The following SPDEF variants were observed in gnomAD, a reference collection of about 807,000 sequenced individuals.
SPDEF encodes SAM pointed domain containing ETS transcription factor, also known as SAM pointed domain-containing Ets transcription factor.
In SPDEF, 12 loss-of-function variants were observed where a neutral mutation model predicts 36.0. The observed-to-expected ratio is 0.33, with a 90% confidence interval of 0.21 to 0.54. The LOEUF (loss-of-function observed/expected upper bound fraction) is 0.54, where lower values mean the gene tolerates loss of function less well. Ranked by LOEUF, SPDEF falls within the 20% of genes least tolerant of loss-of-function variation. The pLI is 0.93. For missense variants in SPDEF, 388 were observed against 456.9 expected, an observed-to-expected ratio of 0.85 and a Z score of 1.37; for synonymous variants, 205 against 193.0, an observed-to-expected ratio of 1.06 and a Z score of -0.51.
rs200407168 is a variant in SPDEF, at chr6:34,540,939, G to A, written c.634+45C>T. 1.6e-3 allele frequency: 2,546 copies of A among 1,576,412 alleles called. 6 individuals carry two copies. The highest frequency in any genetic ancestry group is 1.3e-3 in the Non-Finnish European group (1,500 of 1,156,302). ...CCTCCTAGCCAGCATCCTGTCCCTG[G>A]CTTGGAGCCTGGGAGGGGCTGCTCC... is the stretch of plus-strand genomic sequence containing the variant. On this transcript the variant is annotated intron_variant, in intron 3 of 5. Transcript: ENST00000374037.
At chr6:34,542,885 T>TC (rs1317257352) in intron 2 of SPDEF, among the ~76,000 whole-genome samples, 3 of 80,412 alleles carry the variant, frequency 3.7e-5, no homozygotes, top group African/African-American at 2.2e-4. Flanking sequence ...CGAGACCCTG[T>TC]CAAAAAAAAA....
intron 2 of SPDEF, among the ~76,000 whole-genome samples, chr6:34,543,195 CAAAAAAAAAAAAAA>C (rs56021909): frequency 1.4e-5 from 1 of 69,140 alleles, no homozygotes; most frequent in Non-Finnish European, 2.4e-5. Context: ...GACTCCATCT[CAAAAAAAAAAAAAA>C]AAAAAAAAAA....
intron 1 of SPDEF, among the ~76,000 whole-genome samples, chr6:34,546,979 TC>T (rs938327350): frequency 6.7e-6 from 1 of 149,076 alleles, no homozygotes; most frequent in African/African-American, 2.5e-5. Flanking sequence ...GCTAGGTGGC[TC>T]CACCCCTGGG....
chr6:34,538,014 T>A lies in SPDEF; in HGVS notation c.*260A>T, dbSNP rs1036207447. The A allele has an allele frequency of 3.9e-5, 17 of 438,360 alleles. No individual in the cohort carries two copies. The highest frequency in any genetic ancestry group is 2.9e-4 in the African/African-American group (15 of 51,338). The allele number at this position is 438,360 out of a possible 1,614,324, so 27.2% of individuals were successfully genotyped here. On this transcript the variant is annotated 3_prime_UTR_variant, in exon 6 of 6. Transcript: ENST00000374037. This position sits in a 1 kb window ranked among gnomAD's most constrained non-coding sequence, Gnocchi z 5.9. The stretch of plus-strand genomic sequence containing the variant: ...GAAATGCTGGGGTCAGAGGCAGGTG[T>A]TGGGGAGCAGCCCTGTCTCCCTCTG...
rs772377132 is a variant in SPDEF at position 34,539,302 on chromosome 6, T to G, written c.777A>C (p.Leu259=). The G allele has an allele frequency of 6.8e-5, 110 of 1,613,830 alleles. No individual in the cohort carries two copies. Among genetic ancestry groups the G allele is most frequent in the Non-Finnish European group, 8.5e-5 (100 of 1,180,044 alleles). ...AGCGGCCATAGCTGTGGGGCTTGAG[T>G]AGCAACTCCTTGAGGAACTGCCACA... ...IHLWQFLKEL[L]LKPHSYGRFI... Residue 259 remains leucine, a synonymous_variant, in exon 5 of 6, where the codon CTA becomes CTC. Coordinates refer to ENST00000374037, the MANE Select transcript of SPDEF (RefSeq NM_012391.3). The surrounding 1 kb of genome is among the most constrained non-coding windows in gnomAD (Gnocchi z 5.2).
rs1241282202 is a variant in SPDEF at position 34,538,496 on chromosome 6, T to G, written c.830-44A>C. The G allele has an allele frequency of 2.6e-6, 4 of 1,562,510 alleles. No homozygotes were observed. The South Asian group carries it at 4.7e-5, about 18-fold the overall frequency. ...GAGAGAGCCAGTGGTATGAGTGAGG[T>G]GGCAAGAAGGAGAAAGACGCAGACC... On this transcript the variant is annotated intron_variant, in intron 5 of 5. Transcript: ENST00000374037. This position sits in a 1 kb window ranked among gnomAD's most constrained non-coding sequence, Gnocchi z 5.9.
In SPDEF at chr6:34,539,533, C is replaced by T. The variant is rs776623142; in HGVS notation, c.664G>A (p.Gly222Arg). 127 of 1,574,692 alleles carry T rather than the reference C, an allele frequency of 8.1e-5. No homozygotes were observed. Among genetic ancestry groups the T allele is most frequent in the Non-Finnish European group, 1.0e-4 (117 of 1,160,872 alleles). The change falls in exon 4 of 6, where the codon GGG becomes AGG. Residue 222 changes from glycine to arginine, a missense_variant. Gly to Arg is a moderately radical substitution (Grantham distance 125). Coordinates refer to ENST00000374037, the MANE Select transcript of SPDEF (RefSeq NM_012391.3). The surrounding 1 kb of genome is among the most constrained non-coding windows in gnomAD (Gnocchi z 5.2). ...GGCTCACCACAGTAGTGAATCGCCC[C>T]AGGTGAAGTCCGCTCTTTCATCCAG... ...AAWMKERTSPGAIHYCASTSE... is the reference protein window; with the variant it reads ...AAWMKERTSPRAIHYCASTSE...
At position 34,540,548 on chromosome 6, in the gene SPDEF, G is replaced by A. The variant is rs140712383; in HGVS notation, c.634+436C>T. On this transcript the variant is annotated intron_variant, in intron 3 of 5. Transcript: ENST00000374037. ...GGATTGGAAGCTGGGGGTCGGGAGC[G>A]GGAGGGGGAAACTGTTCATGGTACA... Among the ~76,000 whole-genome samples the A allele has an allele frequency of 3.0e-4, 46 of 152,030 alleles. No individual in the cohort carries two copies. The East Asian group carries it at 7.7e-3, about 26-fold the overall frequency.
At position 34,544,335 on chromosome 6, in the gene SPDEF, G is replaced by A. The variant is rs369097952; in HGVS notation, c.121C>T (p.Arg41Trp). 16 of 1,607,422 alleles carry A rather than the reference G, an allele frequency of 1.0e-5. No homozygotes were observed. The highest frequency in any genetic ancestry group is 6.7e-5 in the East Asian group (3 of 44,846). ...GCGGGTGGACTGGGACTCCAGTCCC[G>A]TCTCTCGAGACCCACTGCCCCCGCT... ...AAAGAVGLERRDWSPSPPATP... is the reference protein window; with the variant it reads ...AAAGAVGLERWDWSPSPPATP... Residue 41 changes from arginine (R) to tryptophan (W), a missense_variant, in exon 2 of 6, where the codon CGG becomes TGG. This residue lies in a region of SPDEF where 308 missense variants were observed against 326.1 expected (regional missense o/e 0.94). Transcript: ENST00000374037. This position sits in a 1 kb window ranked among gnomAD's most constrained non-coding sequence, Gnocchi z 4.4.
rs1046447430 is a variant in SPDEF, at chr6:34,552,217, C to T, written c.-30+3712G>A. ...CCTCTTCCCTACCCTCCTCCAGCCCCGCATACGCCGTACCTCCCAGCTTGC... is the reference window on the plus strand; with the variant it reads ...CCTCTTCCCTACCCTCCTCCAGCCCTGCATACGCCGTACCTCCCAGCTTGC... On this transcript the variant is annotated intron_variant, in intron 1 of 5. Coordinates refer to ENST00000374037, the MANE Select transcript of SPDEF (RefSeq NM_012391.3). This position sits in a 1 kb window ranked among gnomAD's most constrained non-coding sequence, Gnocchi z 4.6. 3.9e-5 allele frequency among the ~76,000 whole-genome samples: 6 copies of T among 152,274 alleles called. No homozygotes were observed. The highest frequency in any genetic ancestry group is 3.4e-3 in the Middle Eastern group (1 of 294).
chr6:34,541,808 A>AG (rs1767828569), intron 2 of SPDEF, among the ~76,000 whole-genome samples: 1 of 152,210 alleles, frequency 6.6e-6, no homozygotes, highest in African/African-American at 2.4e-5. Flanking sequence ...AGAGGCCAGG[A>AG]GGGGAGCCCT....
In SPDEF at chr6:34,539,584, T is replaced by C. The variant is rs1433768800; in HGVS notation, c.635-22A>G. 2 of 1,559,756 alleles carry C rather than the reference T, an allele frequency of 1.3e-6. No individual in the cohort carries two copies. The highest frequency in any genetic ancestry group is 1.7e-6 in the Non-Finnish European group (2 of 1,152,804). ...GCCGCTGCAGGGCAAGGAGAGGGGG[T>C]TGGGGACCCAGGAGAGGCCCCGAGG... On this transcript the variant is annotated intron_variant, in intron 3 of 5. Transcript: ENST00000374037. This position sits in a 1 kb window ranked among gnomAD's most constrained non-coding sequence, Gnocchi z 5.2.
At chr6:34,548,514 T>A (rs1767998344) in intron 1 of SPDEF, among the ~76,000 whole-genome samples, 1 of 152,164 alleles carries the variant, frequency 6.6e-6, no homozygotes. Flanking sequence ...ACCTCCTACC[T>A]GGCCCAGATA....
Position 34,538,216 on chromosome 6 carries a change from G to T in SPDEF, c.*58C>A. The T allele has an allele frequency of 6.5e-7, 1 of 1,543,278 alleles. No homozygotes were observed. Among genetic ancestry groups the T allele is most frequent in the South Asian group, 1.2e-5 (1 of 84,224 alleles). On this transcript the variant is annotated 3_prime_UTR_variant, in exon 6 of 6. Coordinates refer to ENST00000374037, the MANE Select transcript of SPDEF (RefSeq NM_012391.3). The surrounding 1 kb of genome is among the most constrained non-coding windows in gnomAD (Gnocchi z 5.9). ...TTCCCCCATCTCAGGGCCTGGCTGA[G>T]GCAGGGCAGGCAGGAGAGAGGCCCC...
Position 34,541,108 on chromosome 6 carries a change from G to C in SPDEF, c.510C>G (p.Pro170=), listed in dbSNP as rs769281998. The C allele has an allele frequency of 1.2e-5, 20 of 1,610,712 alleles. No individual in the cohort carries two copies. Among genetic ancestry groups the C allele is most frequent in the South Asian group, 3.3e-5 (3 of 90,336 alleles). Residue 170 remains proline (P), a synonymous_variant, in exon 3 of 6, where the codon CCC becomes CCG. Coordinates refer to ENST00000374037, the MANE Select transcript of SPDEF (RefSeq NM_012391.3). ...CCAGCTCCTGGAAGGCCTTGCCCAT[G>C]GGGGGCAGCCGGTATTGGTGCTCTG... ...LWTEHQYRLP[P]MGKAFQELAG...
In SPDEF at chr6:34,556,294, T is replaced by C. The variant is rs974739698; in HGVS notation, c.-395A>G. ...GTGTGGACACGGCAGAGTGCAGGAA[T>C]GTGCTGGGAGGAAGTCAGACAGCCG... On this transcript the variant is annotated 5_prime_UTR_variant, in exon 1 of 6. Transcript: ENST00000374037. The C allele has an allele frequency of 2.6e-5, 4 of 152,500 alleles. No individual in the cohort carries two copies. Among genetic ancestry groups the C allele is most frequent in the African/African-American group, 9.7e-5 (4 of 41,438 alleles). The allele number at this position is 152,500 out of a possible 1,614,324, so 9.4% of individuals were successfully genotyped here. A position where few individuals can be genotyped will look rare whatever the true frequency, so the allele number is the denominator to read the frequency against.
chr6:34,544,395 C>A lies in SPDEF; in HGVS notation c.61G>T (p.Asp21Tyr). The change falls in exon 2 of 6, where the codon GAC (aspartate) becomes TAC (tyrosine). Residue 21 changes from aspartate (D) to tyrosine (Y), a missense_variant. Transcript: ENST00000374037. The surrounding 1 kb of genome is among the most constrained non-coding windows in gnomAD (Gnocchi z 4.4). The stretch of plus-strand genomic sequence containing the variant: ...TCCAAGCCTGTCCGCGACACCGTGT[C>A]GGGGGGCAGCAGGAGGTGGCTGGGG... ...VSPSHLLLPP[D>Y]TVSRTGLEKA... 4 of 1,590,596 alleles carry A rather than the reference C, an allele frequency of 2.5e-6. No individual in the cohort carries two copies. Among genetic ancestry groups the A allele is most frequent in the Non-Finnish European group, 3.4e-6 (4 of 1,166,586 alleles).
At chr6:34,554,001 G>T (rs1768117831) in intron 1 of SPDEF, among the ~76,000 whole-genome samples, 1 of 151,714 alleles carries the variant, frequency 6.6e-6, no homozygotes, top group African/African-American at 2.4e-5. Flanking sequence ...CCTGCTCCAG[G>T]CTGTCTCCTC....
intron 2 of SPDEF, 102 bp from the exon 3 acceptor site, chr6:34,541,283 G>A: frequency 8.3e-7 from 1 of 1,203,782 alleles, no homozygotes. Context: ...ATGTGCTCTT[G>A]GGGATGGGGA....
Sources: allele counts gnomAD v4.1 joint callset (sites outside exome capture counted in the v4.1 genomes callset), GRCh38; gene constraint gnomAD v4.1.1; regional missense constraint gnomAD v4.1.1; non-coding constraint Gnocchi (gnomAD v3.1); transcripts MANE v1.5; gene names NCBI Gene and HGNC (gene_info 2026-07-23, HGNC 2026-07-21).